The following RXYLT1 variants were observed in gnomAD, a reference collection of about 807,000 sequenced individuals.
The protein encoded by RXYLT1 is ribitol-5-phosphate xylosyltransferase 1.
Under a neutral mutation model 43.5 loss-of-function variants are expected in RXYLT1, and 41 were observed. That is an observed-to-expected ratio of 0.94 (90% confidence interval 0.73 to 1.22). The LOEUF (loss-of-function observed/expected upper bound fraction) is 1.22. Among genes scored for constraint, RXYLT1 ranks in the 50% most tolerant of loss-of-function variants. The probability of loss-of-function intolerance (pLI) is 0.00; values close to 1 mark genes in which losing one functional copy is unlikely to be tolerated. For missense variants in RXYLT1, 514 were observed against 532.0 expected, an observed-to-expected ratio of 0.97 and a Z score of 0.33; for synonymous variants, 166 against 194.4, an observed-to-expected ratio of 0.85 and a Z score of 1.21.
At position 63,808,881 on chromosome 12, in the gene RXYLT1, A is replaced by G. The variant is rs770063033; in HGVS notation, c.1121A>G (p.Gln374Arg). The G allele has an allele frequency of 1.2e-6, 2 of 1,614,056 alleles. No homozygotes were observed. The highest frequency in any genetic ancestry group is 1.7e-6 in the Non-Finnish European group (2 of 1,180,044). The change falls in exon 6 of 6, where the codon CAG becomes CGG. Residue 374 changes from glutamine to arginine, a missense_variant. Coordinates refer to ENST00000261234, the MANE Select transcript of RXYLT1 (RefSeq NM_014254.3). ...NTSVHHGAPL[Q>R]LLKSMGAPFI... Reference sequence around the variant, plus strand: ...TCTGTGCACCACGGTGCTCCTCTGCAGTTACTCAAGTCCATGGGTGCTCCC... The same window carrying G: ...TCTGTGCACCACGGTGCTCCTCTGCGGTTACTCAAGTCCATGGGTGCTCCC...
intron 1 of RXYLT1, 40 bp downstream of exon 1, chr12:63,780,169 C>T: frequency 7.1e-7 from 1 of 1,414,246 alleles, no homozygotes; most frequent in Non-Finnish European, 9.1e-7. Context: ...CTCTGCGCTC[C>T]TGGCTGGGGC....
intron 3 of RXYLT1, among the ~76,000 whole-genome samples, chr12:63,792,059 A>G (rs1342291896): frequency 1.3e-5 from 2 of 152,198 alleles, no homozygotes; most frequent in Non-Finnish European, 1.5e-5. Flanking sequence ...TTAGTGGGTA[A>G]AGCCAAAAGT....
At chr12:63,801,425 C>T (rs1023797188) in intron 3 of RXYLT1, among the ~76,000 whole-genome samples, 1 of 152,140 alleles carries the variant, frequency 6.6e-6, no homozygotes. Context: ...CTGGTTTGAA[C>T]TAAACCATTA....
intron 3 of RXYLT1, among the ~76,000 whole-genome samples, chr12:63,799,399 G>C (rs112276085): frequency 0.032 from 4,870 of 149,870 alleles, 169 homozygotes; most frequent in African/African-American, 0.079. Flanking sequence ...TGACTTCCTG[G>C]GCTCAAGTGA....
intron 3 of RXYLT1, among the ~76,000 whole-genome samples, chr12:63,790,870 A>G (rs1434555617): frequency 6.6e-6 from 1 of 152,226 alleles, no homozygotes. Flanking sequence ...CATATTTCAC[A>G]GGATTATTCC....
At chr12:63,786,835 C>T (rs1263546269) in intron 3 of RXYLT1, among the ~76,000 whole-genome samples, 3 of 152,108 alleles carry the variant, frequency 2.0e-5, no homozygotes, top group Admixed American at 6.6e-5. Context: ...AATCCTAGGC[C>T]GGATGCAGTG....
chr12:63,781,684 C>T (rs1460741426), intron 2 of RXYLT1, among the ~76,000 whole-genome samples: 1 of 152,194 alleles, frequency 6.6e-6, no homozygotes. Flanking sequence ...TGATTGACCA[C>T]AGAAGCATTT....
chr12:63,807,008 T>C (rs1478420304), intron 5 of RXYLT1: 2 of 152,352 alleles, frequency 1.3e-5, no homozygotes, highest in African/African-American at 4.8e-5. Flanking sequence ...TTCTCTCTCA[T>C]GGTTATTTCC....
At chr12:63,789,563 C>T (rs1165479155) in intron 3 of RXYLT1, among the ~76,000 whole-genome samples, 2 of 152,128 alleles carry the variant, frequency 1.3e-5, no homozygotes, top group African/African-American at 4.8e-5. Context: ...GACTGGGGAT[C>T]ACCACAAACT....
chr12:63,797,659 A>T (rs1000647439), intron 3 of RXYLT1, among the ~76,000 whole-genome samples: 2 of 152,164 alleles, frequency 1.3e-5, no homozygotes, highest in African/African-American at 2.4e-5. Context: ...CTTGGACTTT[A>T]TTCTAGGGTA....
intron 2 of RXYLT1, among the ~76,000 whole-genome samples, chr12:63,782,184 G>A (rs1897700256): frequency 6.6e-6 from 1 of 151,730 alleles, no homozygotes; most frequent in Admixed American, 6.6e-5. Flanking sequence ...CAGGAAAAAT[G>A]CTACTTTGAT....
chr12:63,780,457 C>G, intron 1 of RXYLT1: 1 of 1,164,766 alleles, frequency 8.6e-7, no homozygotes, highest in Non-Finnish European at 1.1e-6. Context: ...TCAAAATCGC[C>G]GCAAGGTTTA....
chr12:63,781,005 T>A lies in RXYLT1; in HGVS notation c.170-14T>A. On this transcript the variant is annotated splice_polypyrimidine_tract_variant and intron_variant, in intron 1 of 5. Transcript: ENST00000261234. Reference sequence around the variant, plus strand: ...TAATACCTTACTGGTAAACACTTACTCTTTTTAAAACAGAACAGTCCACTT... The same window carrying A: ...TAATACCTTACTGGTAAACACTTACACTTTTTAAAACAGAACAGTCCACTT... 1 of 1,560,504 alleles carries A rather than the reference T, an allele frequency of 6.4e-7. No individual in the cohort carries two copies. Among genetic ancestry groups the A allele is most frequent in the Non-Finnish European group, 8.6e-7 (1 of 1,159,216 alleles).
chr12:63,802,370 C>G lies in RXYLT1; in HGVS notation c.708C>G (p.Asp236Glu). 2 of 1,591,398 alleles carry G rather than the reference C, an allele frequency of 1.3e-6. No individual in the cohort carries two copies. The highest frequency in any genetic ancestry group is 1.7e-6 in the Non-Finnish European group (2 of 1,165,682). The stretch of plus-strand genomic sequence containing the variant: ...TATATGACAGCCCCTGGATTAATGA[C>G]GTGGATGTTTTTCAGTGGCCTTTAG... ...FIIYDSPWIN[D>E]VDVFQWPLGV... The change falls in exon 4 of 6, where the codon GAC becomes GAG. Residue 236 changes from aspartate to glutamate, a missense_variant. Coordinates refer to ENST00000261234, the MANE Select transcript of RXYLT1 (RefSeq NM_014254.3).
intron 3 of RXYLT1, among the ~76,000 whole-genome samples, chr12:63,796,617 G>C (rs895581112): frequency 6.6e-6 from 1 of 152,148 alleles, no homozygotes; most frequent in Non-Finnish European, 1.5e-5. Flanking sequence ...GGAGTAAAAT[G>C]TTTAGTAGTC....
chr12:63,803,599 C>G (rs1353719958), intron 4 of RXYLT1: 1 of 152,140 alleles, frequency 6.6e-6, no homozygotes, highest in Non-Finnish European at 1.5e-5. Flanking sequence ...TCCTATAACA[C>G]CCTAACTCAG....
In RXYLT1 at chr12:63,779,950, G is replaced by A; in HGVS notation, c.-11G>A. 1.2e-6 allele frequency: 2 copies of A among 1,610,406 alleles called. No homozygotes were observed. Among genetic ancestry groups the A allele is most frequent in the Non-Finnish European group, 1.7e-6 (2 of 1,178,944 alleles). ...CATGGCGGTGGATGCCTGACTGGAA[G>A]CCCGAGTGGGATGCGGCTGACGCGG... On this transcript the variant is annotated 5_prime_UTR_variant, in exon 1 of 6. Coordinates refer to ENST00000261234, the MANE Select transcript of RXYLT1 (RefSeq NM_014254.3).
At position 63,780,115 on chromosome 12, in the gene RXYLT1, A is replaced by AGAGACGCGGCC; in HGVS notation, c.159_169dup (p.Glu57AspfsTer36). 2 of 1,527,572 alleles carry AGAGACGCGGCC rather than the reference A, an allele frequency of 1.3e-6. No individual in the cohort carries two copies. Among genetic ancestry groups the AGAGACGCGGCC allele is most frequent in the African/African-American group, 2.8e-5 (2 of 71,546 alleles). 94.6% of individuals were successfully genotyped at this position (1,527,572 alleles called of 1,614,324 possible). ...AGGAAGGGGGCGGCCCCCGCGCGGG[A>AGAGACGCGGCC]GAGACGCGGCCGAGGTAGGACTGGG... On this transcript the variant is annotated frameshift_variant, in exon 1 of 6. Transcript: ENST00000261234. LOFTEE classifies it high-confidence loss of function.
intron 3 of RXYLT1, among the ~76,000 whole-genome samples, chr12:63,796,811 A>AT (rs1279074609): frequency 6.6e-6 from 1 of 152,072 alleles, no homozygotes; most frequent in Non-Finnish European, 1.5e-5. Context: ...AGAAAGTGCA[A>AT]TCCCAATAAG....
Sources: gnomAD v4.1 joint callset for allele counts (sites outside exome capture counted in the v4.1 genomes callset) on GRCh38, gnomAD v4.1.1 for gene constraint, MANE v1.5 for transcripts, NCBI Gene and HGNC (gene_info 2026-07-23, HGNC 2026-07-21) for gene names.